Variants in GABRB3 observed in about 807,000 individuals in gnomAD.
GABRB3 encodes gamma-aminobutyric acid receptor subunit beta-3.
A neutral mutation model predicts 52.1 loss-of-function variants in GABRB3; 14 were observed. That is an observed-to-expected ratio of 0.27 (90% CI 0.18 to 0.42). The LOEUF (loss-of-function observed/expected upper bound fraction) is 0.42, where lower values mean the gene tolerates loss of function less well. GABRB3 is among the 10% of genes least tolerant of loss of function. The pLI, the probability that GABRB3 is intolerant of heterozygous loss-of-function variation, is 1.00. For synonymous variants in GABRB3, 260 were observed against 232.3 expected, an observed-to-expected ratio of 1.12 and a Z score of -1.08; for missense variants, 307 against 609.1, an observed-to-expected ratio of 0.50 and a Z score of 5.22.
chr15:26,627,646 A>C (rs911757707), intron 3 of GABRB3, among the ~76,000 whole-genome samples: 19 of 152,152 alleles, frequency 1.2e-4, no homozygotes, highest in Admixed American at 1.2e-3. Context: ...GTGAAACTTG[A>C]AGATTTCCCT....
chr15:26,546,764 A>G lies in GABRB3; in HGVS notation c.*1029T>C, dbSNP rs987052650. 1 of 152,180 alleles carries G rather than the reference A, an allele frequency of 6.6e-6. No individual in the cohort carries two copies. The highest frequency in any genetic ancestry group is 1.5e-5 in the Non-Finnish European group (1 of 68,030). 9.4% of individuals were successfully genotyped at this position (152,180 alleles called of 1,614,324 possible). On this transcript the variant is annotated 3_prime_UTR_variant, in exon 9 of 9. Coordinates refer to ENST00000311550, the MANE Select transcript of GABRB3 (RefSeq NM_000814.6). Reference sequence around the variant, plus strand: ...AGAAACAAAATCTTGGTAAATATACATATATATGCATATTATGCAAATATA... The same window carrying G: ...AGAAACAAAATCTTGGTAAATATACGTATATATGCATATTATGCAAATATA...
intron 6 of GABRB3, among the ~76,000 whole-genome samples, chr15:26,575,877 G>A (rs1406147885): frequency 2.0e-5 from 3 of 152,146 alleles, no homozygotes; most frequent in African/African-American, 4.8e-5. Context: ...AAGAAAAAAG[G>A]AAGAGAAAGA....
In GABRB3 at chr15:26,766,396, T is replaced by C. The variant is rs375994937; in HGVS notation, c.240+6006A>G. On this transcript the variant is annotated intron_variant, in intron 3 of 8. Transcript: ENST00000311550. ...CTGCAGTCCCAAACATGAGCCTTTC[T>C]TTCCAAGAGATGTGACACCCTAGGA... is the stretch of plus-strand genomic sequence containing the variant. 5.3e-5 allele frequency among the ~76,000 whole-genome samples: 8 copies of C among 152,320 alleles called. No homozygotes were observed. The East Asian group carries it at 1.4e-3, about 26-fold the overall frequency.
rs1330432929 is a variant in GABRB3 at position 26,707,533 on chromosome 15, T to C, written c.240+64869A>G. ...CACGTGTGAGCCTGAGTATCCACCA[T>C]AGGTCATGGAAAAAGAGAGAATATG... On this transcript the variant is annotated intron_variant, in intron 3 of 8. Transcript: ENST00000311550. Among the ~76,000 whole-genome samples, 8 of 152,054 alleles carry C rather than the reference T, an allele frequency of 5.3e-5. No individual in the cohort carries two copies. In the East Asian group the frequency reaches 1.5e-3, roughly 29 times the overall value.
chr15:26,759,567 AT>A (rs1357932565), intron 3 of GABRB3, among the ~76,000 whole-genome samples: 1 of 152,200 alleles, frequency 6.6e-6, no homozygotes, highest in Non-Finnish European at 1.5e-5. Flanking sequence ...CCAAAACATT[AT>A]TTTTTGTAGA....
At chr15:26,615,514 T>C in intron 4 of GABRB3, 1 of 870,816 alleles carries the variant, frequency 1.1e-6, no homozygotes, top group African/African-American at 1.8e-5. Flanking sequence ...TAAAACAACC[T>C]TTTATCACTA....
chr15:26,628,384 G>A (rs560659958), intron 3 of GABRB3, among the ~76,000 whole-genome samples: 2 of 152,228 alleles, frequency 1.3e-5, no homozygotes, highest in Non-Finnish European at 2.9e-5. Flanking sequence ...AGCCCTCAGG[G>A]GCTGCCCATG....
intron 3 of GABRB3, among the ~76,000 whole-genome samples, chr15:26,719,777 A>C (rs978138132): frequency 2.0e-5 from 3 of 152,212 alleles, no homozygotes; most frequent in Non-Finnish European, 2.9e-5. Flanking sequence ...TAGGACAATA[A>C]GAGAAAGATG....
At chr15:26,764,560 ACTACAAAGGAATGAG>A (rs1373131313) in intron 3 of GABRB3, among the ~76,000 whole-genome samples, 1 of 152,158 alleles carries the variant, frequency 6.6e-6, no homozygotes, top group Non-Finnish European at 1.5e-5. Flanking sequence ...TGGTCTCCTG[ACTACAAAGGAATGAG>A]GGGCAATCTA....
At chr15:26,749,944 T>C (rs1397820541) in intron 3 of GABRB3, 1 of 152,192 alleles carries the variant, frequency 6.6e-6, no homozygotes, top group Non-Finnish European at 1.5e-5. Context: ...ATTCTTCCTG[T>C]GTTTATTTGT....
At chr15:26,606,819 T>TAGAC (rs760219147) in intron 4 of GABRB3, among the ~76,000 whole-genome samples, 5 of 75,674 alleles carry the variant, frequency 6.6e-5, no homozygotes, top group Non-Finnish European at 9.0e-5. Context: ...GATAGATAGA[T>TAGAC]AGATAGATAG....
At chr15:26,702,649 T>C (rs141438063) in intron 3 of GABRB3, among the ~76,000 whole-genome samples, 3 of 152,328 alleles carry the variant, frequency 2.0e-5, no homozygotes, top group Admixed American at 2.0e-4. Context: ...ACTTGTGGGT[T>C]ATTTCAGAAA....
chr15:26,606,776 A>ATATCTATT (rs374800068), intron 4 of GABRB3, among the ~76,000 whole-genome samples: 1 of 118,304 alleles, frequency 8.5e-6, no homozygotes, highest in Non-Finnish European at 1.8e-5. Flanking sequence ...ATCTATAGAT[A>ATATCTATT]GATAGATATA....
rs748830532 is a variant in GABRB3, at chr15:26,547,970, G to A, written c.1245C>T (p.Phe415=). ...QSMPREGHGR[F]LGDRSLPHKK... Reference sequence around the variant, plus strand: ...TGTGCGGGAGGCTTCTGTCCCCCAGGAATCGCCCATGCCCTTCTCGAGGCA... The same window carrying A: ...TGTGCGGGAGGCTTCTGTCCCCCAGAAATCGCCCATGCCCTTCTCGAGGCA... The change falls in exon 9 of 9, where the codon TTC becomes TTT. Residue 415 remains phenylalanine, a synonymous_variant. Transcript: ENST00000311550. The A allele has an allele frequency of 3.7e-6, 6 of 1,614,180 alleles. No individual in the cohort carries two copies. The highest frequency in any genetic ancestry group is 2.2e-5 in the East Asian group (1 of 44,870).
intron 3 of GABRB3, among the ~76,000 whole-genome samples, chr15:26,680,212 G>A (rs1265254902): frequency 6.6e-6 from 1 of 152,172 alleles, no homozygotes; most frequent in African/African-American, 2.4e-5. Context: ...CTCTTTCCAG[G>A]GTCTCTAGCC....
rs917626604 is a variant in GABRB3, at chr15:26,705,786, C to A, written c.240+66616G>T. ...GGTAGATGAATATGTTCATTCCCTT[C>A]ATGATGGTGATGGTTTCCTGGGTTT... On this transcript the variant is annotated intron_variant, in intron 3 of 8. Transcript: ENST00000311550. Among the ~76,000 whole-genome samples the A allele has an allele frequency of 5.5e-4, 84 of 152,266 alleles. 1 individual carries two copies. Among genetic ancestry groups the A allele is most frequent in the African/African-American group, 1.8e-3 (76 of 41,562 alleles).
At chr15:26,686,886 A>C (rs1049343857) in intron 3 of GABRB3, among the ~76,000 whole-genome samples, 1 of 152,238 alleles carries the variant, frequency 6.6e-6, no homozygotes, top group African/African-American at 2.4e-5. Flanking sequence ...TTCTCCACAA[A>C]ATGGAAGTTC....
chr15:26,571,991 A>G (rs1295089690), intron 6 of GABRB3, among the ~76,000 whole-genome samples: 1 of 148,372 alleles, frequency 6.7e-6, no homozygotes, highest in East Asian at 2.0e-4. Context: ...GGTTGCAGTG[A>G]GCCGAAATTG....
At chr15:26,554,189 T>TAAAGTATATATATATATAAAG (rs1346521870) in intron 8 of GABRB3, among the ~76,000 whole-genome samples, 1 of 27,360 alleles carries the variant, frequency 3.7e-5, no homozygotes, top group Non-Finnish European at 6.9e-5. Flanking sequence ...TATATATATA[T>TAAAGTATATATATATATAAAG]ACTATATATA....
Sources: allele counts gnomAD v4.1 joint callset (sites outside exome capture counted in the v4.1 genomes callset), GRCh38; gene constraint gnomAD v4.1.1; transcripts MANE v1.5; gene names NCBI Gene and HGNC (gene_info 2026-07-23, HGNC 2026-07-21).